Variants in TIAM1 observed in about 807,000 individuals in gnomAD.
TIAM1 encodes the protein rho guanine nucleotide exchange factor TIAM1.
Under a neutral mutation model 163.5 loss-of-function variants are expected in TIAM1, and 65 were observed. The ratio of observed to expected loss-of-function variants is 0.40; its 90% CI spans 0.33 to 0.49. TIAM1 has a LOEUF of 0.49. Ranked by LOEUF, TIAM1 falls within the 20% of genes least tolerant of loss-of-function variation. The pLI is 0.77. For missense variants in TIAM1, 1,789 were observed against 2,044.7 expected (o/e 0.87, Z 2.41); for synonymous variants, 833 against 810.1 (o/e 1.03, Z -0.48).
chr21:31,235,772 T>C (rs1227626160), intron 6 of TIAM1, among the ~76,000 whole-genome samples: 1 of 152,208 alleles, frequency 6.6e-6, no homozygotes, highest in Non-Finnish European at 1.5e-5. Flanking sequence ...GCATGATACA[T>C]AACAGTATAG....
At chr21:31,377,737 C>T (rs2076711753) in intron 2 of TIAM1, among the ~76,000 whole-genome samples, 2 of 151,812 alleles carry the variant, frequency 1.3e-5, no homozygotes, top group South Asian at 2.1e-4. Flanking sequence ...CTGAAGATCC[C>T]GCAGGGGTCT....
intron 2 of TIAM1, among the ~76,000 whole-genome samples, chr21:31,289,440 C>T (rs7276919): frequency 0.062 from 9,477 of 152,174 alleles, 747 homozygotes; most frequent in African/African-American, 0.18. Context: ...ACAATGGTAA[C>T]CACCATGAGA....
At chr21:31,416,214 A>C (rs1211070978) in intron 2 of TIAM1, among the ~76,000 whole-genome samples, 1 of 151,280 alleles carries the variant, frequency 6.6e-6, no homozygotes, top group Non-Finnish European at 1.5e-5. Flanking sequence ...CACCTTCAAC[A>C]CTCCACCATT....
chr21:31,483,690 G>A (rs1229624187), intron 1 of TIAM1, among the ~76,000 whole-genome samples: 3 of 152,020 alleles, frequency 2.0e-5, no homozygotes, highest in South Asian at 2.1e-4. Context: ...AGCTGATATC[G>A]CAAGAGGCAC....
intron 1 of TIAM1, among the ~76,000 whole-genome samples, chr21:31,504,156 T>C (rs2046953679): frequency 6.6e-6 from 1 of 152,218 alleles, no homozygotes; most frequent in Non-Finnish European, 1.5e-5. Context: ...GCTGTCTGTC[T>C]TGACTTGCTG....
chr21:31,307,569 T>G (rs1301083106), intron 2 of TIAM1, among the ~76,000 whole-genome samples: 2 of 152,180 alleles, frequency 1.3e-5, no homozygotes, highest in East Asian at 3.8e-4. Context: ...AGTATCACAC[T>G]GGGCCTTGGT....
In TIAM1 at chr21:31,276,845, C is replaced by T. The variant is rs1333897974; in HGVS notation, c.-125G>A. 6.6e-6 allele frequency: 1 copy of T among 152,194 alleles called. No individual in the cohort carries two copies. Among genetic ancestry groups the T allele is most frequent in the Non-Finnish European group, 1.5e-5 (1 of 68,042 alleles). The allele number at this position is 152,194 out of a possible 1,614,324, so 9.4% of individuals were successfully genotyped here. A position where few individuals can be genotyped will look rare whatever the true frequency, so the allele number is the denominator to read the frequency against. ...ACAGCCACAGGGCTGGGGACGATGT[C>T]AGCACCTGCCCCCTGCGGTGGCCAT... is the stretch of plus-strand genomic sequence containing the variant. On this transcript the variant is annotated 5_prime_UTR_variant, in exon 3 of 28. The change abolishes the stop of an existing upstream ORF in the 5' untranslated region. Transcript: ENST00000541036.
At chr21:31,526,804 C>T (rs963386731) in intron 1 of TIAM1, among the ~76,000 whole-genome samples, 3 of 152,108 alleles carry the variant, frequency 2.0e-5, no homozygotes, top group Non-Finnish European at 4.4e-5. Context: ...CAGGTTCGTG[C>T]GATTTTCCTG....
At chr21:31,193,809 A>C (rs537200370) in intron 13 of TIAM1, among the ~76,000 whole-genome samples, 3 of 152,214 alleles carry the variant, frequency 2.0e-5, no homozygotes, top group African/African-American at 7.2e-5. Flanking sequence ...GTGAATCGGG[A>C]AAAGCTAGCT....
chr21:31,483,344 G>A (rs907811108), intron 1 of TIAM1, among the ~76,000 whole-genome samples: 1 of 152,192 alleles, frequency 6.6e-6, no homozygotes, highest in African/African-American at 2.4e-5. Flanking sequence ...AAAAGACAGA[G>A]TGGGTCTCGT....
At chr21:31,423,988 T>C (rs1041952779) in intron 2 of TIAM1, among the ~76,000 whole-genome samples, 1 of 152,250 alleles carries the variant, frequency 6.6e-6, no homozygotes, top group Admixed American at 6.5e-5. Context: ...CACTGAATTA[T>C]ACACTTTACG....
intron 2 of TIAM1, among the ~76,000 whole-genome samples, chr21:31,445,003 A>C (rs1446643493): frequency 1.7e-3 from 2 of 1,160 alleles, no homozygotes; most frequent in Non-Finnish European, 2.9e-3. Flanking sequence ...CATCTAAAAA[A>C]AAAAGGAAAA....
At chr21:31,413,816 T>C (rs770687645) in intron 2 of TIAM1, among the ~76,000 whole-genome samples, 3 of 152,120 alleles carry the variant, frequency 2.0e-5, no homozygotes, top group Non-Finnish European at 1.5e-5. Flanking sequence ...GCCATCTCCT[T>C]CCACAGGGTT....
chr21:31,548,217 G>A (rs2048563260), intron 1 of TIAM1, among the ~76,000 whole-genome samples: 1 of 133,602 alleles, frequency 7.5e-6, no homozygotes, highest in Non-Finnish European at 1.5e-5. Flanking sequence ...TCAGCTCACT[G>A]CAACCTCCGC....
chr21:31,441,512 T>G (rs146099158), intron 2 of TIAM1, among the ~76,000 whole-genome samples: 1 of 152,292 alleles, frequency 6.6e-6, no homozygotes, highest in East Asian at 1.9e-4. Flanking sequence ...AAGGCACAAG[T>G]TGGCGATAGC....
At chr21:31,130,866 A>C in intron 24 of TIAM1, 24 bp downstream of exon 24, 1 of 1,608,846 alleles carries the variant, frequency 6.2e-7, no homozygotes, top group Non-Finnish European at 8.5e-7. Context: ...GTTTCAAACC[A>C]TGGGGTAACA....
intron 1 of TIAM1, among the ~76,000 whole-genome samples, chr21:31,342,099 T>G (rs1014453721): frequency 6.6e-6 from 1 of 152,016 alleles, no homozygotes; most frequent in Non-Finnish European, 1.5e-5. Context: ...CTGTAAAAAT[T>G]AGGTATTAAA....
intron 1 of TIAM1, among the ~76,000 whole-genome samples, chr21:31,534,346 C>G (rs767454403): frequency 6.6e-6 from 1 of 152,172 alleles, no homozygotes. Context: ...GGCCTAATGG[C>G]CTGTCTTGTT....
intron 1 of TIAM1, among the ~76,000 whole-genome samples, chr21:31,479,455 AGATGGATG>A (rs948957150): frequency 2.9e-5 from 2 of 67,980 alleles, no homozygotes; most frequent in African/African-American, 1.0e-4. Context: ...ATGGATGGAT[AGATGGATG>A]GATGGATGGA....
Sources: allele counts gnomAD v4.1 joint callset (sites outside exome capture counted in the v4.1 genomes callset), GRCh38; gene constraint gnomAD v4.1.1; transcripts MANE v1.5; gene names NCBI Gene and HGNC (gene_info 2026-07-23, HGNC 2026-07-21).